KDELR1: variants seen among roughly 807,000 people sequenced by gnomAD.
The protein encoded by KDELR1 is ER lumen protein-retaining receptor 1.
In KDELR1, 16 loss-of-function variants were observed where a neutral mutation model predicts 25.5. That is an observed-to-expected ratio of 0.63 (90% confidence interval 0.43 to 0.95). The LOEUF is 0.95. KDELR1 is among the 40% of genes least tolerant of loss of function. The pLI is 0.00. For missense variants in KDELR1, 159 were observed against 265.2 expected, an observed-to-expected ratio of 0.60 and a Z score of 2.78; for synonymous variants, 121 against 115.0, an observed-to-expected ratio of 1.05 and a Z score of -0.33.
At chr19:48,391,666 A>G (rs1381361411), upstream of KDELR1, 8 of 417,348 alleles carry the variant, frequency 1.9e-5, no homozygotes, top group Non-Finnish European at 3.6e-5. Flanking sequence ...TGGCGGCGCT[A>G]AACGCACCCC....
At chr19:48,386,447 ATT>A (rs377642574) in intron 3 of KDELR1, among the ~76,000 whole-genome samples, 15 of 111,452 alleles carry the variant, frequency 1.3e-4, no homozygotes, top group South Asian at 2.9e-4. Flanking sequence ...TGCTGTTTGA[ATT>A]TTTTTTTTTT....
chr19:48,389,607 G>C lies in KDELR1; in HGVS notation c.297C>G (p.Val99=). The C allele has an allele frequency of 6.2e-7, 1 of 1,614,090 alleles. No homozygotes were observed. Among genetic ancestry groups the C allele is most frequent in the East Asian group, 2.2e-5 (1 of 44,886 alleles). ...GGAACGCCAGAATGGCTGTGGGAAC[G>C]ACCAGGAACTCCACTCTGAACGTGT... ...NHDTFRVEFL[V]VPTAILAFLV... is the part of the protein sequence containing the mutation. The change falls in exon 3 of 5, where the codon GTC becomes GTG. Residue 99 remains valine, a synonymous_variant. Transcript: ENST00000330720.
Position 48,384,606 on chromosome 19 carries a change from A to C in KDELR1, c.352-124T>G. On this transcript the variant is annotated intron_variant, in intron 3 of 4. Transcript: ENST00000330720. The surrounding 1 kb of genome is among the most constrained non-coding windows in gnomAD (Gnocchi z 4.6). ...AAGGAAGGTGATCCAGGTGCTGCCA[A>C]GTGCCAGACACAGTTCTGCCCGAGT... The C allele has an allele frequency of 8.1e-7, 1 of 1,227,148 alleles. No individual in the cohort carries two copies. Among genetic ancestry groups the C allele is most frequent in the Non-Finnish European group, 1.1e-6 (1 of 886,982 alleles). The allele number at this position is 1,227,148 out of a possible 1,614,324, so 76.0% of individuals were successfully genotyped here.
upstream of KDELR1, among the ~76,000 whole-genome samples, chr19:48,395,248 C>T (rs1970624113): frequency 6.6e-6 from 1 of 151,882 alleles, no homozygotes; most frequent in African/African-American, 2.4e-5. Flanking sequence ...CTCTATCTCA[C>T]CTTCTCCCTG....
At chr19:48,390,074 C>A in intron 2 of KDELR1, 1 of 325,512 alleles carries the variant, frequency 3.1e-6, no homozygotes, top group South Asian at 4.9e-5. Context: ...GGAGTCCAGG[C>A]CCAGCCCCTC....
At chr19:48,390,240 A>C (rs910462618) in intron 2 of KDELR1, 184 bp downstream of exon 2, 34 of 495,656 alleles carry the variant, frequency 6.9e-5, no homozygotes, top group Middle Eastern at 1.2e-3. Flanking sequence ...CCTCCCTCAG[A>C]CCCAGGAGTC....
chr19:48,390,435 T>A lies in KDELR1; in HGVS notation c.181A>T (p.Thr61Ser). Residue 61 changes from threonine to serine, a missense_variant, in exon 2 of 5, where the codon ACG becomes TCG. By Grantham distance (58) the Thr-to-Ser change is moderately conservative. Transcript: ENST00000330720. ...GGTGGAGCCTCTACCTTCATACACG[T>A]GTTGTAGAGTGAGATGTAGTTGGTG... The part of the protein sequence containing the change: ...LFTNYISLYN[T>S]CMKVVYIACS... The A allele has an allele frequency of 6.2e-7, 1 of 1,611,352 alleles. No individual in the cohort carries two copies. The highest frequency in any genetic ancestry group is 8.5e-7 in the Non-Finnish European group (1 of 1,177,834).
At position 48,391,438 on chromosome 19, in the gene KDELR1, G is replaced by A; in HGVS notation, c.-80C>T. ...GCCCCCCGAGGCTGCTGGTCTGAACGGGTAGCTGGGCTGGGGGGACGGAAG... is the reference window on the plus strand; with the variant it reads ...GCCCCCCGAGGCTGCTGGTCTGAACAGGTAGCTGGGCTGGGGGGACGGAAG... On this transcript the variant is annotated 5_prime_UTR_variant, in exon 1 of 5. Transcript: ENST00000330720. 2.6e-6 allele frequency: 3 copies of A among 1,140,262 alleles called. No individual in the cohort carries two copies. The highest frequency in any genetic ancestry group is 3.9e-6 in the Non-Finnish European group (3 of 776,440). The allele number at this position is 1,140,262 out of a possible 1,614,324, so 70.6% of individuals were successfully genotyped here. A position where few individuals can be genotyped will look rare whatever the true frequency, so the allele number is the denominator to read the frequency against.
chr19:48,384,395 T>C lies in KDELR1; in HGVS notation c.439A>G (p.Ile147Val). Residue 147 changes from isoleucine (I) to valine (V), a missense_variant, in exon 4 of 5, where the codon ATC becomes GTC. By Grantham distance (29) the Ile-to-Val change is conservative. Transcript: ENST00000330720. This position sits in a 1 kb window ranked among gnomAD's most constrained non-coding sequence, Gnocchi z 4.6. ...AGCGCAAACAAGTAGTGGCTGGTGATGGTCTCCGCCTCGCCGGTCTTGCTC... is the reference window on the plus strand; with the variant it reads ...AGCGCAAACAAGTAGTGGCTGGTGACGGTCTCCGCCTCGCCGGTCTTGCTC... ...MVSKTGEAETITSHYLFALGV... is the reference protein window; with the variant it reads ...MVSKTGEAETVTSHYLFALGV... 1 of 1,614,068 alleles carries C rather than the reference T, an allele frequency of 6.2e-7. No homozygotes were observed. Among genetic ancestry groups the C allele is most frequent in the Non-Finnish European group, 8.5e-7 (1 of 1,180,006 alleles).
upstream of KDELR1, among the ~76,000 whole-genome samples, chr19:48,392,717 T>G (rs377647144): frequency 6.6e-6 from 1 of 152,154 alleles, no homozygotes; most frequent in East Asian, 1.9e-4. Context: ...TGACCCAAAC[T>G]ACCTCAGGAG....
upstream of KDELR1, among the ~76,000 whole-genome samples, chr19:48,394,601 C>T (rs1174999980): frequency 6.6e-6 from 1 of 151,214 alleles, no homozygotes; most frequent in Non-Finnish European, 1.5e-5. The surrounding 1 kb of genome is among the most constrained non-coding windows in gnomAD (Gnocchi z 5.1). Context: ...CCCACGGGGT[C>T]GGGGCGGCAA....
Position 48,383,061 on chromosome 19 carries a change from GGAAA to G in KDELR1, c.*228_*231del. 1 of 580,362 alleles carries G rather than the reference GGAAA, an allele frequency of 1.7e-6. No individual in the cohort carries two copies. The highest frequency in any genetic ancestry group is 3.1e-6 in the Non-Finnish European group (1 of 327,650). The allele number at this position is 580,362 out of a possible 1,614,324, so 36.0% of individuals were successfully genotyped here. On this transcript the variant is annotated 3_prime_UTR_variant, in exon 5 of 5. Coordinates refer to ENST00000330720, the MANE Select transcript of KDELR1 (RefSeq NM_006801.3). ...TCATCAGAATCAAAAACTAAAGAGT[GGAAA>G]GATTTTTTTTTCTTGTCTAAAAGGC...
chr19:48,391,137 G>C (rs1030688276), intron 1 of KDELR1, 131 bp downstream of exon 1: 1 of 782,070 alleles, frequency 1.3e-6, no homozygotes, highest in African/African-American at 1.7e-5. Context: ...GAACCTAGAA[G>C]AGAGATCCCC....
upstream of KDELR1, among the ~76,000 whole-genome samples, chr19:48,393,710 G>C (rs1250196340): frequency 1.3e-5 from 2 of 152,004 alleles, no homozygotes; most frequent in African/African-American, 4.8e-5. The surrounding 1 kb of genome is among the most constrained non-coding windows in gnomAD (Gnocchi z 5.6). Context: ...GCGAGTGTGT[G>C]AGTCCCTCCC....
upstream of KDELR1, among the ~76,000 whole-genome samples, chr19:48,392,805 C>T (rs1970575519): frequency 6.6e-6 from 1 of 152,166 alleles, no homozygotes; most frequent in South Asian, 2.1e-4. Context: ...CCCTCAGAGG[C>T]CCCGGTGTCC....
chr19:48,383,343 A>C lies in KDELR1; in HGVS notation c.605-16T>G. 1.3e-6 allele frequency: 2 copies of C among 1,551,542 alleles called. No individual in the cohort carries two copies. The highest frequency in any genetic ancestry group is 1.7e-6 in the Non-Finnish European group (2 of 1,147,028). Reference sequence around the variant, plus strand: ...CCCTTTAGGACTGTGAGGAGAGAAAACAGGGAGGGCATTACCGCTGGGGCC... The same window carrying C: ...CCCTTTAGGACTGTGAGGAGAGAAACCAGGGAGGGCATTACCGCTGGGGCC... On this transcript the variant is annotated splice_polypyrimidine_tract_variant and intron_variant, in intron 4 of 4. Coordinates refer to ENST00000330720, the MANE Select transcript of KDELR1 (RefSeq NM_006801.3).
Position 48,386,403 on chromosome 19 carries a change from C to G in KDELR1, c.352-1921G>C, listed in dbSNP as rs1457752125. Among the ~76,000 whole-genome samples, 4 of 151,358 alleles carry G rather than the reference C, an allele frequency of 2.6e-5. No individual in the cohort carries two copies. The East Asian group carries it at 7.8e-4, about 29-fold the overall frequency. On this transcript the variant is annotated intron_variant, in intron 3 of 4. Coordinates refer to ENST00000330720, the MANE Select transcript of KDELR1 (RefSeq NM_006801.3). ...AAGTGCTGGGATCACAGGCGTGAGC[C>G]ACTGCGCCCAGTCTTGCATTTTTAT...
At chr19:48,390,739 T>G in intron 1 of KDELR1, 30 of 498,944 alleles carry the variant, frequency 6.0e-5, no homozygotes, top group East Asian at 2.5e-4. Context: ...GCAGGGCCCT[T>G]TCCCACGGAC....
At chr19:48,386,254 A>G (rs1970496519) in intron 3 of KDELR1, among the ~76,000 whole-genome samples, 1 of 151,032 alleles carries the variant, frequency 6.6e-6, no homozygotes. Context: ...GGCTGGAATT[A>G]TAGGCACTCA....
Sources: gnomAD v4.1 joint callset for allele counts (sites outside exome capture counted in the v4.1 genomes callset) on GRCh38, gnomAD v4.1.1 for gene constraint, Gnocchi (gnomAD v3.1) non-coding constraint, MANE v1.5 for transcripts, NCBI Gene and HGNC (gene_info 2026-07-23, HGNC 2026-07-21) for gene names.